NDRG4: variants seen among roughly 807,000 people sequenced by gnomAD.
NDRG4 encodes NDRG family member 4.
Under a neutral mutation model 55.8 loss-of-function variants are expected in NDRG4, and 38 were observed. The ratio of observed to expected loss-of-function variants is 0.68; its 90% CI spans 0.53 to 0.89. The LOEUF (loss-of-function observed/expected upper bound fraction) is 0.89. NDRG4 is among the 40% of genes least tolerant of loss of function. The pLI, the probability that NDRG4 is intolerant of heterozygous loss-of-function variation, is 0.00. For missense variants in NDRG4, 455 were observed against 468.6 expected, an observed-to-expected ratio of 0.97 and a Z score of 0.27; for synonymous variants, 190 against 182.7, an observed-to-expected ratio of 1.04 and a Z score of -0.32.
chr16:58,510,619 C>G lies in NDRG4; in HGVS notation c.866-26C>G, dbSNP rs748411593. On this transcript the variant is annotated intron_variant, in intron 13 of 14. Transcript: ENST00000570248. ...GTTGTGTCTCCCCCATCCCCGCCCC[C>G]TCTCCGGCTCTGTCTTCTCTCTTAG... 131 of 1,535,430 alleles carry G rather than the reference C, an allele frequency of 8.5e-5. No individual in the cohort carries two copies. In the African/African-American group the frequency reaches 1.3e-3, roughly 15 times the overall value.
chr16:58,511,351 GCCTACTTTTCCCAC>G, intron 14 of NDRG4, 57 bp from the exon 15 acceptor site: 1 of 1,494,658 alleles, frequency 6.7e-7, no homozygotes, highest in Non-Finnish European at 9.0e-7. Context: ...TTTGCTTGCA[GCCTACTTTTCCCAC>G]CAGAGGCACC....
rs2037651335 is a variant in NDRG4, at chr16:58,504,866, C to G, written c.372+217C>G. Reference sequence around the variant, plus strand: ...GAGGTTCCTTTCTCCATATAGTTTTCTCAAGAGACTAGAAACTATAACTTG... The same window carrying G: ...GAGGTTCCTTTCTCCATATAGTTTTGTCAAGAGACTAGAAACTATAACTTG... On this transcript the variant is annotated intron_variant, in intron 5 of 14. Coordinates refer to ENST00000570248, the MANE Select transcript of NDRG4 (RefSeq NM_001242835.2). 6 of 579,416 alleles carry G rather than the reference C, an allele frequency of 1.0e-5. No individual in the cohort carries two copies. The East Asian group carries it at 1.7e-4, about 17-fold the overall frequency. The allele number at this position is 579,416 out of a possible 1,614,324, so 35.9% of individuals were successfully genotyped here. A position where few individuals can be genotyped will look rare whatever the true frequency, so the allele number is the denominator to read the frequency against.
At chr16:58,487,780 T>C (rs2035278308) in exon 2 of NDRG4, 1 of 1,543,768 alleles carries the variant, frequency 6.5e-7, no homozygotes. Context: ...GACGTGACCA[T>C]GGCCGGGCTG....
intron 14 of NDRG4, chr16:58,510,987 A>G: frequency 1.9e-6 from 1 of 532,404 alleles, no homozygotes; most frequent in Admixed American, 3.1e-5. Flanking sequence ...TGAGCCACAT[A>G]GGTGGCCAGG....
intron 1 of NDRG4, among the ~76,000 whole-genome samples, chr16:58,481,877 G>C (rs1375181916): frequency 6.6e-6 from 1 of 152,192 alleles, no homozygotes; most frequent in Non-Finnish European, 1.5e-5. Flanking sequence ...AGAGGGTCCA[G>C]TTCCCTGGAC....
rs145745796 is a variant in NDRG4 at position 58,478,344 on chromosome 16, G to A, written c.-23-9412G>A. Among the ~76,000 whole-genome samples the A allele has an allele frequency of 4.2e-3, 631 of 151,526 alleles. 5 individuals carry two copies. Among genetic ancestry groups the A allele is most frequent in the East Asian group, 0.026 (136 of 5,148 alleles). The stretch of plus-strand genomic sequence containing the variant: ...GCAGAGGTTGCAGTGAGCCGAGATC[G>A]CGCCATTGCACTCCAGCCTGGGCGA... On this transcript the variant is annotated intron_variant, in intron 1 of 15. Coordinates refer to the NDRG4 transcript ENST00000258187.
intron 1 of NDRG4, among the ~76,000 whole-genome samples, chr16:58,475,250 A>G (rs1229069909): frequency 2.0e-5 from 3 of 152,238 alleles, no homozygotes; most frequent in African/African-American, 7.2e-5. Flanking sequence ...ATTCGTGACA[A>G]AAAGTGCCAG....
At chr16:58,505,155 C>T (rs975550681) in intron 5 of NDRG4, among the ~76,000 whole-genome samples, 20 of 152,244 alleles carry the variant, frequency 1.3e-4, no homozygotes, top group Admixed American at 5.9e-4. Flanking sequence ...CAAGACCATC[C>T]TGGCTAACAC....
intron 1 of NDRG4, among the ~76,000 whole-genome samples, chr16:58,466,723 G>A (rs761788852): frequency 6.6e-6 from 1 of 152,138 alleles, no homozygotes; most frequent in South Asian, 2.1e-4. Context: ...CTCACAGATC[G>A]GGATTCTAAC....
chr16:58,498,025 G>C (rs111542662), upstream of NDRG4, among the ~76,000 whole-genome samples: 1 of 152,154 alleles, frequency 6.6e-6, no homozygotes, highest in Non-Finnish European at 1.5e-5. Context: ...ACCCACGTCT[G>C]TGGGTTTGCA....
chr16:58,512,203 G>A lies in NDRG4; in HGVS notation c.*627G>A, dbSNP rs550759245. ...CAAGGAAGACAGAACATGGAGAACCGTCAGGGCAGGAACCCCACAGACTGT... is the reference window on the plus strand; with the variant it reads ...CAAGGAAGACAGAACATGGAGAACCATCAGGGCAGGAACCCCACAGACTGT... On this transcript the variant is annotated 3_prime_UTR_variant, in exon 15 of 15. Transcript: ENST00000570248. 5.8e-5 allele frequency: 25 copies of A among 427,622 alleles called. No individual in the cohort carries two copies. Among genetic ancestry groups the A allele is most frequent in the Non-Finnish European group, 9.4e-5 (20 of 213,614 alleles). 26.5% of individuals were successfully genotyped at this position (427,622 alleles called of 1,614,324 possible). A position where few individuals can be genotyped will look rare whatever the true frequency, so the allele number is the denominator to read the frequency against.
At chr16:58,490,332 T>TG (rs964743827) in intron 2 of NDRG4, among the ~76,000 whole-genome samples, 2 of 151,884 alleles carry the variant, frequency 1.3e-5, no homozygotes, top group African/African-American at 4.8e-5. Flanking sequence ...CCCAGTACAA[T>TG]GGGGAGAACT....
At chr16:58,485,382 C>A (rs2034971559) in intron 1 of NDRG4, among the ~76,000 whole-genome samples, 1 of 152,174 alleles carries the variant, frequency 6.6e-6, no homozygotes, top group South Asian at 2.1e-4. Context: ...GGCCATCTGT[C>A]CCTGCACTGC....
chr16:58,514,059 T>G (rs2039044330), downstream of NDRG4, among the ~76,000 whole-genome samples: 1 of 152,226 alleles, frequency 6.6e-6, no homozygotes, highest in Non-Finnish European at 1.5e-5. Context: ...AGTCACTACA[T>G]TCCTTCAAAG....
At chr16:58,471,675 G>T (rs575966066) in intron 1 of NDRG4, among the ~76,000 whole-genome samples, 22 of 152,264 alleles carry the variant, frequency 1.4e-4, no homozygotes, top group Admixed American at 1.2e-3. Context: ...TGTATCGCCA[G>T]CCAGAGTGAT....
At position 58,513,168 on chromosome 16, in the gene NDRG4, A is replaced by ATGTGTGTGTGTGTGTGTG. The variant is rs60858251; in HGVS notation, c.*1604_*1621dup. The ATGTGTGTGTGTGTGTGTG allele has an allele frequency of 7.3e-5, 11 of 150,254 alleles. No homozygotes were observed. The highest frequency in any genetic ancestry group is 3.9e-4 in the East Asian group (2 of 5,104). 9.3% of individuals were successfully genotyped at this position (150,254 alleles called of 1,614,324 possible). A position where few individuals can be genotyped will look rare whatever the true frequency, so the allele number is the denominator to read the frequency against. On this transcript the variant is annotated 3_prime_UTR_variant, in exon 15 of 15. Coordinates refer to ENST00000570248, the MANE Select transcript of NDRG4 (RefSeq NM_001242835.2). ...GTATCTATAAATATCTATACATTATATGTGTGTGTGTGTGTGTGTGTGTGT... is the reference window on the plus strand; with the variant it reads ...GTATCTATAAATATCTATACATTATATGTGTGTGTGTGTGTGTGTGTGTGTGTGTGTGTGTGTGTGTGT...
At chr16:58,489,972 G>A (rs1346982092) in intron 2 of NDRG4, among the ~76,000 whole-genome samples, 1 of 152,022 alleles carries the variant, frequency 6.6e-6, no homozygotes, top group Non-Finnish European at 1.5e-5. Context: ...AGCCTCCCGA[G>A]TAGCGAGGAT....
upstream of NDRG4, chr16:58,499,195 C>CG (rs1351459202): frequency 6.6e-6 from 1 of 152,466 alleles, no homozygotes; most frequent in African/African-American, 2.4e-5. Context: ...GAACAGGGCA[C>CG]GGAGCCTGAG....
Position 58,512,198 on chromosome 16 carries a change from G to T in NDRG4, c.*622G>T. 2.3e-6 allele frequency: 1 copy of T among 432,704 alleles called. No individual in the cohort carries two copies. 26.8% of individuals were successfully genotyped at this position (432,704 alleles called of 1,614,324 possible). A position where few individuals can be genotyped will look rare whatever the true frequency, so the allele number is the denominator to read the frequency against. Reference sequence around the variant, plus strand: ...CTGCCCAAGGAAGACAGAACATGGAGAACCGTCAGGGCAGGAACCCCACAG... The same window carrying T: ...CTGCCCAAGGAAGACAGAACATGGATAACCGTCAGGGCAGGAACCCCACAG... On this transcript the variant is annotated 3_prime_UTR_variant, in exon 15 of 15. Transcript: ENST00000570248.
Sources: allele counts gnomAD v4.1 joint callset (sites outside exome capture counted in the v4.1 genomes callset), GRCh38; gene constraint gnomAD v4.1.1; transcripts MANE v1.5; gene names NCBI Gene and HGNC (gene_info 2026-07-23, HGNC 2026-07-21).